Variants in ZNF407 observed in about 807,000 individuals in gnomAD.
The protein encoded by ZNF407 is zinc finger protein 407.
In ZNF407, 17 loss-of-function variants were observed where a neutral mutation model predicts 131.2. That is an observed-to-expected ratio of 0.13 (90% confidence interval 0.09 to 0.19). The LOEUF (loss-of-function observed/expected upper bound fraction) is 0.19, where lower values mean the gene tolerates loss of function less well. Ranked by LOEUF, ZNF407 falls within the 10% of genes least tolerant of loss-of-function variation. The pLI, the probability that ZNF407 is intolerant of heterozygous loss-of-function variation, is 1.00. For synonymous variants in ZNF407, 1,156 were observed against 1,062.0 expected (o/e 1.09, Z -1.72); for missense variants, 2,681 against 2,830.6 (o/e 0.95, Z 1.20).
intron 8 of ZNF407, among the ~76,000 whole-genome samples, chr18:75,050,594 A>G (rs1376734314): frequency 6.6e-6 from 1 of 152,220 alleles, no homozygotes; most frequent in Non-Finnish European, 1.5e-5. Flanking sequence ...AGTATAGGCA[A>G]TGAACGCAGA....
intron 8 of ZNF407, among the ~76,000 whole-genome samples, chr18:74,941,747 G>C (rs1030356103): frequency 6.6e-6 from 1 of 152,148 alleles, no homozygotes; most frequent in Non-Finnish European, 1.5e-5. Flanking sequence ...TGCTTTCGTA[G>C]GCTAGGATAC....
At chr18:74,645,281 A>T (rs1984919014) in intron 3 of ZNF407, among the ~76,000 whole-genome samples, 1 of 152,064 alleles carries the variant, frequency 6.6e-6, no homozygotes, top group Non-Finnish European at 1.5e-5. Flanking sequence ...AGTTTTTTTT[A>T]AAGAGTTGTA....
intron 4 of ZNF407, chr18:74,804,433 A>G (rs1469848854): frequency 1.0e-6 from 1 of 993,150 alleles, no homozygotes; most frequent in Admixed American, 5.8e-5. Context: ...TCTAATTAAC[A>G]CATGACTTCA....
chr18:74,673,094 T>C (rs1028638913), intron 3 of ZNF407, among the ~76,000 whole-genome samples: 5 of 152,196 alleles, frequency 3.3e-5, no homozygotes, highest in African/African-American at 4.8e-5. Flanking sequence ...TTATTTCAGG[T>C]ATTTGCTTTC....
chr18:74,803,863 A>C, intron 4 of ZNF407: 2 of 1,255,772 alleles, frequency 1.6e-6, no homozygotes, highest in Non-Finnish European at 2.2e-6. Flanking sequence ...TGGTTTCAAA[A>C]AGGTCAGGAA....
At chr18:74,815,360 G>T (rs532642401) in intron 4 of ZNF407, among the ~76,000 whole-genome samples, 1 of 152,024 alleles carries the variant, frequency 6.6e-6, no homozygotes, top group Admixed American at 6.6e-5. Flanking sequence ...TGTCACTGAC[G>T]CATCTCTGCT....
intron 3 of ZNF407, among the ~76,000 whole-genome samples, chr18:74,710,853 T>C (rs751380602): frequency 3.9e-5 from 6 of 152,238 alleles, no homozygotes; most frequent in Non-Finnish European, 8.8e-5. Flanking sequence ...TTTAAGTCAA[T>C]GCAGTGAATC....
At chr18:74,841,092 G>A (rs573929012) in intron 4 of ZNF407, among the ~76,000 whole-genome samples, 1 of 152,172 alleles carries the variant, frequency 6.6e-6, no homozygotes, top group Non-Finnish European at 1.5e-5. Flanking sequence ...TGGGCTCTTC[G>A]CAAGGCGTGC....
At chr18:74,905,829 A>C (rs1435717937) in intron 7 of ZNF407, 1 of 152,224 alleles carries the variant, frequency 6.6e-6, no homozygotes, top group Non-Finnish European at 1.5e-5. Flanking sequence ...GATTTAGAGC[A>C]AGGTGATCCA....
chr18:74,905,969 G>A (rs1285329216), intron 7 of ZNF407: 1 of 152,446 alleles, frequency 6.6e-6, no homozygotes, highest in African/African-American at 2.4e-5. Context: ...TGTATGTAGT[G>A]TAATAGTGTA....
chr18:74,820,647 C>T, intron 4 of ZNF407, among the ~76,000 whole-genome samples: 1 of 152,172 alleles, frequency 6.6e-6, no homozygotes, highest in East Asian at 1.9e-4. Flanking sequence ...CCTTGCCATT[C>T]TGGGAAAGTT....
chr18:74,871,473 A>G (rs1227225436), intron 4 of ZNF407, among the ~76,000 whole-genome samples: 1 of 152,108 alleles, frequency 6.6e-6, no homozygotes, highest in Non-Finnish European at 1.5e-5. Context: ...TCATAGTTCT[A>G]TATTTTGTTT....
intron 8 of ZNF407, among the ~76,000 whole-genome samples, chr18:74,925,316 G>T (rs534955880): frequency 6.6e-6 from 1 of 152,184 alleles, no homozygotes; most frequent in African/African-American, 2.4e-5. Flanking sequence ...GCAGTTTGGT[G>T]TTCTCTATAA....
intron 1 of ZNF407, among the ~76,000 whole-genome samples, chr18:74,600,890 T>G (rs1228040583): frequency 6.6e-6 from 1 of 152,168 alleles, no homozygotes; most frequent in Non-Finnish European, 1.5e-5. Context: ...TTTGCTTGTT[T>G]TAAGCACTTT....
At chr18:74,947,248 C>T (rs958484564) in intron 8 of ZNF407, among the ~76,000 whole-genome samples, 1 of 152,114 alleles carries the variant, frequency 6.6e-6, no homozygotes, top group Non-Finnish European at 1.5e-5. Context: ...TCCTCCCCTC[C>T]GCCCAGTGAA....
intron 4 of ZNF407, among the ~76,000 whole-genome samples, chr18:74,787,828 A>G (rs927590092): frequency 3.3e-5 from 5 of 152,316 alleles, no homozygotes; most frequent in Admixed American, 2.0e-4. Context: ...AGCTATGACA[A>G]TGACTTAAAT....
At chr18:75,051,132 A>G (rs1366185399) in intron 8 of ZNF407, among the ~76,000 whole-genome samples, 5 of 152,322 alleles carry the variant, frequency 3.3e-5, no homozygotes, top group Middle Eastern at 3.4e-3. Context: ...GGCTGGAAGT[A>G]TGTACGACAG....
At position 74,635,507 on chromosome 18, in the gene ZNF407, T is replaced by C; in HGVS notation, c.4488T>C (p.Asp1496=). 4 of 1,612,496 alleles carry C rather than the reference T, an allele frequency of 2.5e-6. No homozygotes were observed. The highest frequency in any genetic ancestry group is 3.4e-6 in the Non-Finnish European group (4 of 1,179,116). ...GTGTCAAGTGCACAGAGCCCTTTGA[T>C]TCTGAACAGAATTTATTTTTACATA... ...FKCVKCTEPF[D]SEQNLFLHIK... is the part of the protein sequence containing the mutation. The change falls in exon 2 of 9, where the codon GAT becomes GAC. Residue 1496 remains aspartate, a synonymous_variant. Transcript: ENST00000299687. This position sits in a 1 kb window ranked among gnomAD's most constrained non-coding sequence, Gnocchi z 4.7.
At chr18:74,607,061 A>T (rs1982839252) in intron 1 of ZNF407, among the ~76,000 whole-genome samples, 1 of 152,216 alleles carries the variant, frequency 6.6e-6, no homozygotes, top group African/African-American at 2.4e-5. Context: ...GCCCTACAGG[A>T]GGCAGGTGTT....
Sources: gnomAD v4.1 joint callset for allele counts (sites outside exome capture counted in the v4.1 genomes callset) on GRCh38, gnomAD v4.1.1 for gene constraint, Gnocchi (gnomAD v3.1) non-coding constraint, MANE v1.5 for transcripts, NCBI Gene and HGNC (gene_info 2026-07-23, HGNC 2026-07-21) for gene names.